The following KRT9 variants were observed in gnomAD, a reference collection of about 807,000 sequenced individuals.
KRT9 encodes the protein keratin, type I cytoskeletal 9.
In KRT9, 34 loss-of-function variants were observed where a neutral mutation model predicts 51.4. The ratio of observed to expected loss-of-function variants is 0.66; its 90% CI spans 0.50 to 0.88. The LOEUF is 0.88. KRT9 is among the 40% of genes least tolerant of loss of function. The pLI is 0.00. For missense variants in KRT9, 753 were observed against 790.3 expected (o/e 0.95, Z 0.57); for synonymous variants, 292 against 289.7 (o/e 1.01, Z -0.08).
Position 41,571,352 on chromosome 17 carries a change from T to C in KRT9, c.641A>G (p.Gln214Arg). ...ACAGAGACAGTTTCCTGCACCTACC[T>C]GGTCCTTGAGATCATCAATAGTGTT... ...YYNTIDDLKD[Q>R]IVDLTVGNNK... The change falls in exon 1 of 8, where the codon CAG becomes CGG. Residue 214 changes from glutamine to arginine, a missense_variant and splice_region_variant. Coordinates refer to ENST00000246662, the MANE Select transcript of KRT9 (RefSeq NM_000226.4). 6.2e-7 allele frequency: 1 copy of C among 1,613,414 alleles called. No homozygotes were observed. The highest frequency in any genetic ancestry group is 2.2e-5 in the East Asian group (1 of 44,880).
At position 41,568,605 on chromosome 17, in the gene KRT9, C is replaced by T; in HGVS notation, c.1073G>A (p.Ser358Asn). ...ACTGGACTGCACCTCCTGACCACTA[C>T]TGGATACCTCATGCTCGATCTGGGT... ...QITQIEHEVS[S>N]SGQEVQSSAK... Residue 358 changes from serine (S) to asparagine (N), a missense_variant, in exon 5 of 8, where the codon AGT becomes AAT. By Grantham distance (46) the Ser-to-Asn change is conservative (BLOSUM62 1). Transcript: ENST00000246662. 6.2e-7 allele frequency: 1 copy of T among 1,614,158 alleles called. No homozygotes were observed. Among genetic ancestry groups the T allele is most frequent in the Non-Finnish European group, 8.5e-7 (1 of 1,180,028 alleles).
intron 4 of KRT9, among the ~76,000 whole-genome samples, chr17:41,568,911 TACACACACACAC>T (rs5820419): frequency 4.6e-4 from 61 of 133,838 alleles, no homozygotes; most frequent in East Asian, 3.5e-3. Flanking sequence ...CTTTCAAACA[TACACACACACAC>T]ACACACACAC....
In KRT9 at chr17:41,571,893, G is replaced by A. The variant is rs376754002; in HGVS notation, c.100C>T (p.Arg34Cys). 39 of 1,608,930 alleles carry A rather than the reference G, an allele frequency of 2.4e-5. No homozygotes were observed. Among genetic ancestry groups the A allele is most frequent in the African/African-American group, 1.7e-4 (13 of 74,624 alleles). Residue 34 changes from arginine (R) to cysteine (C), a missense_variant, in exon 1 of 8, where the codon CGC (arginine) becomes TGC (cysteine). Around this residue, in one of 3 missense-constraint regions of KRT9, gnomAD observed 241 missense variants for 210.3 expected, o/e 1.15. Transcript: ENST00000246662. ...CCACCGCCCCCTGAGGAGCTGAAGCGGCTGTAGGAAGACCTTATGCTGCCC... is the reference window on the plus strand; with the variant it reads ...CCACCGCCCCCTGAGGAGCTGAAGCAGCTGTAGGAAGACCTTATGCTGCCC... ...SGGSIRSSYSRFSSSGGGGGG... is the reference protein window; with the variant it reads ...SGGSIRSSYSCFSSSGGGGGG...
At position 41,568,399 on chromosome 17, in the gene KRT9, G is replaced by A. The variant is rs1358473127; in HGVS notation, c.1171-14C>T. On this transcript the variant is annotated splice_polypyrimidine_tract_variant and intron_variant, in intron 5 of 7. Transcript: ENST00000246662. ...CAGAGCTGCTTTCTAAGGGTTAGGA[G>A]AAGGCTTTAAGAGGGATGCTACATC... 2.5e-6 allele frequency: 4 copies of A among 1,613,966 alleles called. No individual in the cohort carries two copies. Among genetic ancestry groups the A allele is most frequent in the African/African-American group, 1.3e-5 (1 of 74,900 alleles).
chr17:41,567,495 A>G lies in KRT9; in HGVS notation c.1650T>C (p.His550=), dbSNP rs1240520976. ...GGHSGGSGGG[H]SGGSGGNYGG... ...CATAGTTGCCCCCACTTCCTCCACT[A>G]TGACCACCTCCACTTCCTCCGCTAT... Residue 550 remains histidine, a synonymous_variant, in exon 7 of 8, where the codon CAT becomes CAC. Transcript: ENST00000246662. 3.9e-6 allele frequency: 6 copies of G among 1,548,446 alleles called. No homozygotes were observed. The highest frequency in any genetic ancestry group is 5.2e-6 in the Non-Finnish European group (6 of 1,146,620).
chr17:41,569,652 C>T, intron 3 of KRT9, 65 bp from the exon 4 acceptor site: 1 of 1,591,110 alleles, frequency 6.3e-7, no homozygotes, highest in Non-Finnish European at 8.6e-7. Flanking sequence ...TCAGAATTCT[C>T]CCTCTGGTCC....
intron 7 of KRT9, 92 bp from the exon 8 acceptor site, chr17:41,566,244 G>C (rs561100163): frequency 1.3e-5 from 2 of 153,434 alleles, no homozygotes; most frequent in East Asian, 3.9e-4. Flanking sequence ...GGGGAAACTC[G>C]AAGCAAGGAC....
In KRT9 at chr17:41,571,943, C is replaced by T. The variant is rs746679033; in HGVS notation, c.50G>A (p.Gly17Asp). 7 of 1,580,082 alleles carry T rather than the reference C, an allele frequency of 4.4e-6. No homozygotes were observed. The South Asian group carries it at 5.7e-5, about 13-fold the overall frequency. ...SSSYLSRSGG[G>D]GGGGLGSGGS... ...CCCGCTGCCCAGGCCGCCCCCGCCA[C>T]CCCCGCCGCTGCGGCTCAAGTAGGA... is the stretch of plus-strand genomic sequence containing the variant. The change falls in exon 1 of 8, where the codon GGT (glycine) becomes GAT (aspartate). Residue 17 changes from glycine to aspartate, a missense_variant. By Grantham distance (94) the Gly-to-Asp change is moderately conservative (BLOSUM62 -1). Around this residue, in one of 3 missense-constraint regions of KRT9, gnomAD observed 241 missense variants for 210.3 expected, o/e 1.15. Transcript: ENST00000246662.
intron 6 of KRT9, 48 bp from the exon 7 acceptor site, chr17:41,567,798 A>G: frequency 6.2e-7 from 1 of 1,611,742 alleles, no homozygotes. Context: ...GCCCCCATAC[A>G]CATATATGAG....
In KRT9 at chr17:41,567,328, G is replaced by A. The variant is rs756686403; in HGVS notation, c.1817C>T (p.Ala606Val). The A allele has an allele frequency of 1.2e-4, 195 of 1,613,806 alleles. No individual in the cohort carries two copies. The highest frequency in any genetic ancestry group is 1.6e-4 in the Non-Finnish European group (188 of 1,179,946). The change falls in exon 7 of 8, where the codon GCG (alanine) becomes GTG (valine). Residue 606 changes from alanine to valine, a missense_variant. This residue lies in a region of KRT9 where 507 missense variants were observed against 563.7 expected (regional missense o/e 0.90). Coordinates refer to ENST00000246662, the MANE Select transcript of KRT9 (RefSeq NM_000226.4). Reference protein sequence around the residue: ...SGGSYGGGEEASGSGGGYGGG... With the variant: ...SGGSYGGGEEVSGSGGGYGGG... ...TCCGTAGCCGCCACCACTTCCACTC[G>A]CTTCTTCACCGCCTCCGTAGCTGCC...
At chr17:41,571,166 A>G (rs1039524568) in intron 1 of KRT9, among the ~76,000 whole-genome samples, 185 bp downstream of exon 1, 2 of 152,232 alleles carry the variant, frequency 1.3e-5, no homozygotes, top group Non-Finnish European at 2.9e-5. Context: ...CTCAGAGCAC[A>G]GGCCAAAGTC....
rs1369287150 is a variant in KRT9 at position 41,571,582 on chromosome 17, A to C, written c.411T>G (p.Phe137Leu). Residue 137 changes from phenylalanine to leucine, a missense_variant, in exon 1 of 8, where the codon TTT becomes TTG. Physicochemically the swap from Phe to Leu is conservative, Grantham distance 22. Around this residue, in one of 3 missense-constraint regions of KRT9, gnomAD observed 241 missense variants for 210.3 expected, o/e 1.15. Transcript: ENST00000246662. ...YGSGFGGFGG[F>L]GGGAGGGDGG... The stretch of plus-strand genomic sequence containing the variant: ...CATCACCTCCTCCAGCACCACCTCC[A>C]AAGCCCCCAAACCCCCCAAACCCAC... 6.2e-7 allele frequency: 1 copy of C among 1,600,472 alleles called. No homozygotes were observed. Among genetic ancestry groups the C allele is most frequent in the East Asian group, 2.2e-5 (1 of 44,588 alleles).
chr17:41,567,239 T>C lies in KRT9; in HGVS notation c.*34A>G, dbSNP rs1906898821. 4 of 1,613,608 alleles carry C rather than the reference T, an allele frequency of 2.5e-6. No homozygotes were observed. The African/African-American group carries it at 4.0e-5, about 16-fold the overall frequency. ...ACCTAGGATTGTCCCTTACCTTTTG[T>C]CTCATCTTGGTCACCAGATTTTGAG... On this transcript the variant is annotated 3_prime_UTR_variant, in exon 7 of 8. Coordinates refer to ENST00000246662, the MANE Select transcript of KRT9 (RefSeq NM_000226.4).
At chr17:41,568,784 A>G (rs1380109015) in intron 4 of KRT9, 151 bp from the exon 5 acceptor site, 3 of 1,023,180 alleles carry the variant, frequency 2.9e-6, no homozygotes, top group Non-Finnish European at 4.5e-6. Context: ...CCCTCCAGCC[A>G]TGGAGGGTTG....
At chr17:41,569,379 G>A in intron 4 of KRT9, 47 bp downstream of exon 4, 7 of 1,582,062 alleles carry the variant, frequency 4.4e-6, no homozygotes, top group Non-Finnish European at 6.1e-6. Flanking sequence ...ATGGAGATAG[G>A]AATAGATGGA....
At position 41,572,026 on chromosome 17, in the gene KRT9, T is replaced by C; in HGVS notation, c.-34A>G. On this transcript the variant is annotated 5_prime_UTR_variant, in exon 1 of 8. Transcript: ENST00000246662. Reference sequence around the variant, plus strand: ...TGGTAGCTCACGGGTTGAGAAGCAGTGATAGGAGTGCTACCGGCTCCCAAG... The same window carrying C: ...TGGTAGCTCACGGGTTGAGAAGCAGCGATAGGAGTGCTACCGGCTCCCAAG... 6.5e-7 allele frequency: 1 copy of C among 1,550,150 alleles called. No homozygotes were observed. Among genetic ancestry groups the C allele is most frequent in the Non-Finnish European group, 8.7e-7 (1 of 1,152,810 alleles).
chr17:41,568,124 G>C (rs1451201524), intron 6 of KRT9, 38 bp downstream of exon 6: 2 of 1,563,230 alleles, frequency 1.3e-6, no homozygotes, highest in Admixed American at 3.4e-5. Flanking sequence ...AGAGGCCTAG[G>C]GACCCCCAGG....
rs758422974 is a variant in KRT9 at position 41,571,391 on chromosome 17, T to G, written c.602A>C (p.Tyr201Ser). 18 of 1,613,378 alleles carry G rather than the reference T, an allele frequency of 1.1e-5. No individual in the cohort carries two copies. Among genetic ancestry groups the G allele is most frequent in the Non-Finnish European group, 1.5e-5 (18 of 1,179,910 alleles). The change falls in exon 1 of 8, where the codon TAC (tyrosine) becomes TCC (serine). Residue 201 changes from tyrosine (Y) to serine (S), a missense_variant. Tyr to Ser is a moderately radical substitution (Grantham distance 144). This residue lies in a region of KRT9 where 507 missense variants were observed against 563.7 expected (regional missense o/e 0.90). Coordinates refer to ENST00000246662, the MANE Select transcript of KRT9 (RefSeq NM_000226.4). The part of the protein sequence containing the change: ...KKGPAAIQKN[Y>S]SPYYNTIDDL... ...ATCAATAGTGTTATAATAAGGGGAG[T>G]AGTTCTTCTGGATAGCAGCAGGTCC...
chr17:41,569,641 T>G, intron 3 of KRT9, 54 bp from the exon 4 acceptor site: 1 of 1,603,850 alleles, frequency 6.2e-7, no homozygotes, highest in East Asian at 2.2e-5. Flanking sequence ...TGCACCACCT[T>G]TCAGAATTCT....
Sources: allele counts gnomAD v4.1 joint callset (sites outside exome capture counted in the v4.1 genomes callset), GRCh38; gene constraint gnomAD v4.1.1; regional missense constraint gnomAD v4.1.1; transcripts MANE v1.5; gene names NCBI Gene and HGNC (gene_info 2026-07-23, HGNC 2026-07-21).